ANK3: variants seen among roughly 807,000 people sequenced by gnomAD.
ANK3 encodes ankyrin 3.
Under a neutral mutation model 370.9 loss-of-function variants are expected in ANK3, and 57 were observed. The observed-to-expected ratio is 0.15, with a 90% CI of 0.12 to 0.19. The LOEUF (loss-of-function observed/expected upper bound fraction) is 0.19, where lower values mean the gene tolerates loss of function less well. Among genes scored for constraint, ANK3 ranks in the 10% least tolerant of loss-of-function variants. The probability of loss-of-function intolerance (pLI) is 1.00; values close to 1 mark genes in which losing one functional copy is unlikely to be tolerated. For missense variants in ANK3, 4,439 were observed against 5,302.1 expected (o/e 0.84, Z 5.06); for synonymous variants, 1,929 against 1,946.3 (o/e 0.99, Z 0.23).
At chr10:60,495,932 T>A (rs927568842) in intron 2 of ANK3, among the ~76,000 whole-genome samples, 1 of 152,250 alleles carries the variant, frequency 6.6e-6, no homozygotes, top group East Asian at 1.9e-4. Context: ...TTATAGCTGA[T>A]GTAGTCTAAA....
At chr10:60,118,628 A>T (rs190065245) in intron 25 of ANK3, among the ~76,000 whole-genome samples, 46 of 152,058 alleles carry the variant, frequency 3.0e-4, no homozygotes, top group Non-Finnish European at 4.4e-4. Flanking sequence ...AGGGCAAAAC[A>T]CTTAATACAA....
At chr10:60,718,394 T>C (rs2132022160) in intron 1 of ANK3, among the ~76,000 whole-genome samples, 1 of 151,642 alleles carries the variant, frequency 6.6e-6, no homozygotes, top group Middle Eastern at 3.4e-3. Context: ...ATGGGAGGAG[T>C]CGACGAAGCA....
At chr10:60,089,624 G>GA (rs1476579151) in intron 28 of ANK3, among the ~76,000 whole-genome samples, 13 of 152,100 alleles carry the variant, frequency 8.5e-5, no homozygotes, top group South Asian at 6.3e-4. Flanking sequence ...GAGTATTTTG[G>GA]AAAAGTAGGT....
chr10:60,249,626 C>CTCA lies in ANK3; in HGVS notation c.798+12232_798+12233insTGA, dbSNP rs559440580. ...ACATGTCAAGAAATGAAAACAATGT[C>CTCA]TTTGAAGTTTCTAAAGAAAGATGGT... On this transcript the variant is annotated intron_variant, in intron 7 of 43. Coordinates refer to ENST00000280772, the MANE Select transcript of ANK3 (RefSeq NM_020987.5). 2.3e-3 allele frequency among the ~76,000 whole-genome samples: 348 copies of CTCA among 152,256 alleles called. 2 individuals carry two copies. The highest frequency in any genetic ancestry group is 7.9e-3 in the African/African-American group (330 of 41,530).
chr10:60,198,438 A>T lies in ANK3; in HGVS notation c.1591T>A (p.Ser531Thr). 3 of 1,614,196 alleles carry T rather than the reference A, an allele frequency of 1.9e-6. No homozygotes were observed. The highest frequency in any genetic ancestry group is 2.5e-6 in the Non-Finnish European group (3 of 1,180,020). The part of the protein sequence containing the change: ...QGASPNAATT[S>T]GYTPLHLSAR... Reference sequence around the variant, plus strand: ...GAAAGGTGAAGTGGGGTGTACCCAGAAGTTGTGGCTGCATTTGGAGATGCC... The same window carrying T: ...GAAAGGTGAAGTGGGGTGTACCCAGTAGTTGTGGCTGCATTTGGAGATGCC... The change falls in exon 14 of 44, where the codon TCT becomes ACT. Residue 531 changes from serine to threonine, a missense_variant. Physicochemically the swap from Ser to Thr is moderately conservative, Grantham distance 58 (BLOSUM62 1). Coordinates refer to ENST00000280772, the MANE Select transcript of ANK3 (RefSeq NM_020987.5).
intron 1 of ANK3, among the ~76,000 whole-genome samples, chr10:60,732,899 A>G (rs776497933): frequency 1.4e-4 from 22 of 151,876 alleles, no homozygotes; most frequent in Non-Finnish European, 2.8e-4. Flanking sequence ...AGAAGCCCCA[A>G]GACGAGAGAC....
intron 2 of ANK3, chr10:60,615,135 T>G: frequency 8.2e-7 from 1 of 1,223,842 alleles, no homozygotes; most frequent in Admixed American, 2.9e-5. Context: ...AAGAAGAAAC[T>G]TGTCCACACA....
At chr10:60,600,563 T>C (rs575098980) in intron 2 of ANK3, among the ~76,000 whole-genome samples, 5 of 152,298 alleles carry the variant, frequency 3.3e-5, no homozygotes, top group African/African-American at 4.8e-5. Flanking sequence ...TTAATGTGTT[T>C]ATTCTCTGTG....
At chr10:60,389,346 A>C in intron 1 of ANK3, 79 bp downstream of exon 1, 1 of 1,356,722 alleles carries the variant, frequency 7.4e-7, no homozygotes, top group Non-Finnish European at 1.0e-6. Flanking sequence ...AATAACCCTT[A>C]ATGCTTCTAA....
chr10:60,569,952 C>A (rs1014403411), intron 2 of ANK3, among the ~76,000 whole-genome samples: 3 of 152,052 alleles, frequency 2.0e-5, no homozygotes, highest in Admixed American at 6.6e-5. Context: ...TCCCCTGCTT[C>A]AGTATAGGTC....
upstream of ANK3, among the ~76,000 whole-genome samples, chr10:60,390,757 CACACACACAA>C (rs1189570858): frequency 2.4e-3 from 217 of 91,512 alleles, 2 homozygotes; most frequent in Admixed American, 6.9e-3. Flanking sequence ...CACACACACA[CACACACACAA>C]ACAACAATTT....
At chr10:60,484,713 A>G (rs534320911) in intron 2 of ANK3, among the ~76,000 whole-genome samples, 2 of 152,340 alleles carry the variant, frequency 1.3e-5, no homozygotes, top group African/African-American at 4.8e-5. Context: ...AGGCGAAAAC[A>G]AAGACAGAAT....
intron 2 of ANK3, among the ~76,000 whole-genome samples, chr10:60,563,267 C>A (rs1483384543): frequency 6.6e-6 from 1 of 152,094 alleles, no homozygotes; most frequent in Admixed American, 6.6e-5. Context: ...GCACTACAGA[C>A]CTTTGCTATA....
chr10:60,535,302 C>T (rs2076699048), intron 2 of ANK3, among the ~76,000 whole-genome samples: 1 of 152,016 alleles, frequency 6.6e-6, no homozygotes, highest in Non-Finnish European at 1.5e-5. Context: ...AGGGAAATTC[C>T]TCACTTTTCA....
chr10:60,255,086 G>T (rs2097716508), intron 7 of ANK3, among the ~76,000 whole-genome samples: 1 of 152,130 alleles, frequency 6.6e-6, no homozygotes. Flanking sequence ...GCCCTCATAG[G>T]ATTGTTATGA....
In ANK3 at chr10:60,422,570, T is replaced by C. The variant is rs551986270; in HGVS notation, c.97-142931A>G. 6.6e-5 allele frequency among the ~76,000 whole-genome samples: 10 copies of C among 152,240 alleles called. No individual in the cohort carries two copies. The East Asian group carries it at 1.9e-3, about 29-fold the overall frequency. Reference sequence around the variant, plus strand: ...AGTTCTACCTGGATTCAGCAACACATTATTTTATTCATTTCTAGGTAATAA... The same window carrying C: ...AGTTCTACCTGGATTCAGCAACACACTATTTTATTCATTTCTAGGTAATAA... On this transcript the variant is annotated intron_variant, in intron 2 of 43. Transcript: ENST00000373827.
At chr10:60,142,289 C>T (rs567195883) in intron 23 of ANK3, among the ~76,000 whole-genome samples, 1 of 152,184 alleles carries the variant, frequency 6.6e-6, no homozygotes, top group Admixed American at 6.5e-5. Context: ...ATCGTTTTTT[C>T]CTGATGAACT....
chr10:60,573,819 G>A, intron 2 of ANK3, among the ~76,000 whole-genome samples: 1 of 152,154 alleles, frequency 6.6e-6, no homozygotes, highest in East Asian at 1.9e-4. Context: ...GTGAGAGTGG[G>A]GTAACAAGTG....
chr10:60,648,420 A>G (rs2078741304), intron 1 of ANK3, among the ~76,000 whole-genome samples: 1 of 143,472 alleles, frequency 7.0e-6, no homozygotes, highest in African/African-American at 2.6e-5. Context: ...CGGCCTCCCA[A>G]AGTGCTGGGA....
Sources: gnomAD v4.1 joint callset for allele counts (sites outside exome capture counted in the v4.1 genomes callset) on GRCh38, gnomAD v4.1.1 for gene constraint, MANE v1.5 for transcripts, NCBI Gene and HGNC (gene_info 2026-07-23, HGNC 2026-07-21) for gene names.